Variants in ETV1 observed in about 807,000 individuals in gnomAD.
The protein encoded by ETV1 is ETS translocation variant 1.
Under a neutral mutation model 62.3 loss-of-function variants are expected in ETV1, and 27 were observed. That is an observed-to-expected ratio of 0.43 (90% confidence interval 0.32 to 0.60). The LOEUF (loss-of-function observed/expected upper bound fraction) is 0.60. Ranked by LOEUF, ETV1 falls within the 20% of genes least tolerant of loss-of-function variation. ETV1 has a pLI of 0.06. For missense variants in ETV1, 605 were observed against 605.8 expected, an observed-to-expected ratio of 1.00 and a Z score of 0.01; for synonymous variants, 222 against 199.6, an observed-to-expected ratio of 1.11 and a Z score of -0.94.
At chr7:13,969,233 C>G (rs574771481) in intron 6 of ETV1, among the ~76,000 whole-genome samples, 2 of 152,158 alleles carry the variant, frequency 1.3e-5, no homozygotes, top group Non-Finnish European at 2.9e-5. Context: ...CAATGACTTT[C>G]TCACAGCTAA....
chr7:13,901,385 C>A (rs1001586200), intron 12 of ETV1, among the ~76,000 whole-genome samples: 1 of 152,036 alleles, frequency 6.6e-6, no homozygotes, highest in Non-Finnish European at 1.5e-5. Flanking sequence ...GTTTTGAATA[C>A]AAAATTAAAT....
intron 5 of ETV1, among the ~76,000 whole-genome samples, chr7:13,982,564 C>T (rs893929632): frequency 6.6e-6 from 1 of 151,924 alleles, no homozygotes; most frequent in African/African-American, 2.4e-5. Context: ...GGAAGTCTTT[C>T]TCTCATATTT....
At chr7:13,987,416 ATTAAGT>A (rs1247244964) in intron 4 of ETV1, among the ~76,000 whole-genome samples, 1 of 152,192 alleles carries the variant, frequency 6.6e-6, no homozygotes, top group East Asian at 1.9e-4. Context: ...ATCTAAGTAT[ATTAAGT>A]TTATTATGAA....
At chr7:13,926,069 A>G (rs1427376103) in intron 9 of ETV1, among the ~76,000 whole-genome samples, 1 of 152,202 alleles carries the variant, frequency 6.6e-6, no homozygotes. Context: ...ATTTCATTAA[A>G]TATTTTTCAA....
At chr7:13,947,980 T>C (rs746626470) in intron 6 of ETV1, among the ~76,000 whole-genome samples, 2 of 152,228 alleles carry the variant, frequency 1.3e-5, no homozygotes, top group Non-Finnish European at 2.9e-5. Flanking sequence ...GTCAGATACA[T>C]GTATCTGTAT....
intron 9 of ETV1, among the ~76,000 whole-genome samples, chr7:13,924,418 G>A (rs1166915312): frequency 6.6e-6 from 1 of 152,138 alleles, no homozygotes; most frequent in Admixed American, 6.5e-5. Context: ...AATGCTCGTG[G>A]TATATTTTTT....
intron 5 of ETV1, among the ~76,000 whole-genome samples, chr7:13,979,105 A>G (rs1263858345): frequency 6.6e-6 from 1 of 152,122 alleles, no homozygotes; most frequent in Non-Finnish European, 1.5e-5. Flanking sequence ...AGCAAACTGC[A>G]AATCTTAATT....
intron 6 of ETV1, among the ~76,000 whole-genome samples, chr7:13,941,812 G>A (rs1194140796): frequency 6.6e-6 from 1 of 151,002 alleles, no homozygotes; most frequent in Non-Finnish European, 1.5e-5. Flanking sequence ...AGAGTTTGCC[G>A]AGATCGCGGC....
intron 6 of ETV1, among the ~76,000 whole-genome samples, chr7:13,955,517 T>C (rs1008882727): frequency 2.0e-5 from 3 of 152,088 alleles, no homozygotes; most frequent in Non-Finnish European, 2.9e-5. Context: ...AACCCAGCCA[T>C]TGCCAATACA....
chr7:13,908,169 A>G (rs1203999318), intron 11 of ETV1, among the ~76,000 whole-genome samples: 1 of 152,150 alleles, frequency 6.6e-6, no homozygotes, highest in African/African-American at 2.4e-5. Flanking sequence ...TACATTACTT[A>G]TAAAATACAA....
chr7:13,929,802 G>A (rs879659029), intron 9 of ETV1, among the ~76,000 whole-genome samples: 11 of 152,116 alleles, frequency 7.2e-5, no homozygotes, highest in Non-Finnish European at 1.5e-4. Flanking sequence ...TGCCTCAACG[G>A]GGCCAATTCC....
chr7:13,991,387 G>T (rs1391674314), upstream of ETV1: 1 of 152,334 alleles, frequency 6.6e-6, no homozygotes, highest in African/African-American at 2.4e-5. Context: ...CGGAGCTTCG[G>T]GTTAGGTCCC....
At chr7:13,979,253 C>G (rs1024259777) in intron 5 of ETV1, among the ~76,000 whole-genome samples, 2 of 152,040 alleles carry the variant, frequency 1.3e-5, no homozygotes, top group Admixed American at 6.6e-5. Context: ...GCCAGCTACT[C>G]AAGAAATGTT....
chr7:13,900,537 A>G (rs956298224), intron 13 of ETV1: 2 of 498,422 alleles, frequency 4.0e-6, no homozygotes, highest in Non-Finnish European at 3.5e-6. Context: ...TATTCTGTAT[A>G]CAATATCACT....
At chr7:13,934,079 A>AT (rs1446064208) in intron 8 of ETV1, among the ~76,000 whole-genome samples, 1 of 152,118 alleles carries the variant, frequency 6.6e-6, no homozygotes, top group Non-Finnish European at 1.5e-5. Flanking sequence ...GTTTGTTCAT[A>AT]TTTTTTTGTT....
intron 7 of ETV1, among the ~76,000 whole-genome samples, chr7:13,938,887 A>G (rs1039215186): frequency 1.3e-5 from 2 of 152,234 alleles, no homozygotes; most frequent in Non-Finnish European, 2.9e-5. Flanking sequence ...GCATCACTAC[A>G]GTAGAAAAGC....
At chr7:13,951,489 C>T (rs540262867) in intron 6 of ETV1, among the ~76,000 whole-genome samples, 94 of 152,232 alleles carry the variant, frequency 6.2e-4, no homozygotes, top group African/African-American at 2.1e-3. Context: ...AGCCACACTA[C>T]GTATAAAGTG....
At chr7:13,903,245 T>C (rs894088656) in intron 12 of ETV1, among the ~76,000 whole-genome samples, 2 of 152,216 alleles carry the variant, frequency 1.3e-5, no homozygotes, top group African/African-American at 4.8e-5. Context: ...ATGATAGCAC[T>C]ATGGCATTCA....
chr7:13,907,569 A>G (rs1019683549), intron 11 of ETV1, among the ~76,000 whole-genome samples: 2 of 152,058 alleles, frequency 1.3e-5, no homozygotes, highest in Non-Finnish European at 2.9e-5. Context: ...AAGTTTCATG[A>G]CTTCTGATTA....
Sources: allele counts gnomAD v4.1 joint callset (sites outside exome capture counted in the v4.1 genomes callset), GRCh38; gene constraint gnomAD v4.1.1; transcripts MANE v1.5; gene names NCBI Gene and HGNC (gene_info 2026-07-23, HGNC 2026-07-21).